NTNG1: variants seen among roughly 807,000 people sequenced by gnomAD.
NTNG1 encodes the protein netrin G1.
A neutral mutation model predicts 54.0 loss-of-function variants in NTNG1; 16 were observed. The ratio of observed to expected loss-of-function variants is 0.30; its 90% CI spans 0.20 to 0.45. The LOEUF (loss-of-function observed/expected upper bound fraction) is 0.45. NTNG1 is among the 20% of genes least tolerant of loss of function. The probability of loss-of-function intolerance (pLI) is 1.00; values close to 1 mark genes in which losing one functional copy is unlikely to be tolerated. For synonymous variants in NTNG1, 255 were observed against 263.1 expected, an observed-to-expected ratio of 0.97 and a Z score of 0.30; for missense variants, 530 against 678.7, an observed-to-expected ratio of 0.78 and a Z score of 2.43.
At chr1:107,457,317 AAG>A (rs1233006052) in intron 7 of NTNG1, among the ~76,000 whole-genome samples, 1 of 152,254 alleles carries the variant, frequency 6.6e-6, no homozygotes, top group African/African-American at 2.4e-5. Context: ...TTCAGCTTAA[AAG>A]AGCAGTACAT....
intron 2 of NTNG1, among the ~76,000 whole-genome samples, chr1:107,312,996 A>T (rs1667116215): frequency 6.6e-6 from 1 of 152,148 alleles, no homozygotes; most frequent in South Asian, 2.1e-4. Flanking sequence ...CATAGTTACA[A>T]TTTGACAGTC....
chr1:107,280,100 G>C (rs1001953408), intron 2 of NTNG1, among the ~76,000 whole-genome samples: 1 of 141,292 alleles, frequency 7.1e-6, no homozygotes, highest in African/African-American at 2.6e-5. Context: ...TCATTTTTTT[G>C]GATTTAACTT....
At chr1:107,452,058 C>A (rs755201605) in intron 7 of NTNG1, among the ~76,000 whole-genome samples, 1 of 152,148 alleles carries the variant, frequency 6.6e-6, no homozygotes, top group African/African-American at 2.4e-5. Flanking sequence ...CTTCTCTGAC[C>A]TAAGATTTCA....
chr1:107,205,618 C>T (rs1557807975), intron 2 of NTNG1, among the ~76,000 whole-genome samples: 1 of 151,630 alleles, frequency 6.6e-6, no homozygotes, highest in African/African-American at 2.4e-5. Flanking sequence ...ATAAAGCAGA[C>T]TTTTTTTTTA....
rs1678671865 is a variant in NTNG1, at chr1:107,480,926, C to A, written c.*86C>A. ...ATTTGCTACTAACATAGGAAACACA[C>A]ACATACAGACACCCCCACTCAGACA... On this transcript the variant is annotated 3_prime_UTR_variant, in exon 8 of 8. Coordinates refer to ENST00000370068, the MANE Select transcript of NTNG1 (RefSeq NM_001113226.3). 1 of 941,810 alleles carries A rather than the reference C, an allele frequency of 1.1e-6. No individual in the cohort carries two copies. The highest frequency in any genetic ancestry group is 1.6e-6 in the Non-Finnish European group (1 of 616,466). The allele number at this position is 941,810 out of a possible 1,614,324, so 58.3% of individuals were successfully genotyped here. A position where few individuals can be genotyped will look rare whatever the true frequency, so the allele number is the denominator to read the frequency against.
chr1:107,451,322 A>G (rs935636265), intron 7 of NTNG1, among the ~76,000 whole-genome samples: 11 of 152,068 alleles, frequency 7.2e-5, no homozygotes, highest in Non-Finnish European at 1.6e-4. Context: ...CAATTTCACC[A>G]CATGTCACAC....
intron 2 of NTNG1, among the ~76,000 whole-genome samples, chr1:107,289,955 T>C (rs1665473947): frequency 6.6e-6 from 1 of 152,230 alleles, no homozygotes; most frequent in Non-Finnish European, 1.5e-5. Flanking sequence ...AGAACAATTA[T>C]ATTTTCAAAT....
chr1:107,292,438 C>T (rs1387376969), intron 2 of NTNG1, among the ~76,000 whole-genome samples: 2 of 152,124 alleles, frequency 1.3e-5, no homozygotes, highest in African/African-American at 4.8e-5. Flanking sequence ...ATCCCACACA[C>T]CAGCAGTGTC....
intron 7 of NTNG1, among the ~76,000 whole-genome samples, chr1:107,464,228 C>T (rs1329576370): frequency 6.6e-6 from 1 of 152,178 alleles, no homozygotes; most frequent in African/African-American, 2.4e-5. Flanking sequence ...TAAAGCCAGG[C>T]CAGCCATAGC....
chr1:107,145,649 A>G (rs1393977950), intron 1 of NTNG1, among the ~76,000 whole-genome samples: 1 of 152,052 alleles, frequency 6.6e-6, no homozygotes, highest in Non-Finnish European at 1.5e-5. Flanking sequence ...ATATGTCTGT[A>G]ATGTAATGGA....
intron 7 of NTNG1, among the ~76,000 whole-genome samples, chr1:107,478,656 A>T (rs2101611607): frequency 6.6e-6 from 1 of 152,358 alleles, no homozygotes; most frequent in Admixed American, 6.5e-5. Flanking sequence ...TGCCCAAATG[A>T]AAGGAAATAT....
chr1:107,324,674 G>A lies in NTNG1; in HGVS notation c.639G>A (p.Gly213=), dbSNP rs1667845584. The change falls in exon 3 of 8, where the codon GGG becomes GGA. Residue 213 remains glycine (G), a synonymous_variant. Transcript: ENST00000370068. ...TTTGCACAGAAGAGTACTCAACAGG[G>A]TATACAACAAATAGCAAAATAATCC... ...EIICTEEYST[G]YTTNSKIIHF... The A allele has an allele frequency of 6.2e-6, 10 of 1,613,488 alleles. No homozygotes were observed. Among genetic ancestry groups the A allele is most frequent in the Admixed American group, 1.7e-5 (1 of 59,868 alleles).
rs543552392 is a variant in NTNG1, at chr1:107,432,477, C to T, written c.1255+1560C>T. 1.3e-3 allele frequency among the ~76,000 whole-genome samples: 199 copies of T among 152,290 alleles called. 1 individual carries two copies. The highest frequency in any genetic ancestry group is 4.5e-3 in the African/African-American group (187 of 41,560). ...TTATGGTATGTGTTTTGGATGACAGCAGCAATTCCACTCTGAGTTTATGAA... is the reference window on the plus strand; with the variant it reads ...TTATGGTATGTGTTTTGGATGACAGTAGCAATTCCACTCTGAGTTTATGAA... On this transcript the variant is annotated intron_variant, in intron 6 of 7. Transcript: ENST00000370068.
chr1:107,188,061 A>ATT (rs11373664), intron 2 of NTNG1, among the ~76,000 whole-genome samples: 1,792 of 151,302 alleles, frequency 0.012, 17 homozygotes, highest in Middle Eastern at 0.041. Context: ...TGGCATAGGC[A>ATT]TTTTTTTTTG....
intron 2 of NTNG1, among the ~76,000 whole-genome samples, chr1:107,215,870 G>C (rs1340371865): frequency 2.5e-4 from 38 of 151,764 alleles, no homozygotes; most frequent in Admixed American, 2.5e-3. Context: ...CCTTGGTTAA[G>C]TATATTCCTA....
intron 1 of NTNG1, among the ~76,000 whole-genome samples, chr1:107,144,224 G>A (rs1017017614): frequency 3.3e-5 from 5 of 151,942 alleles, no homozygotes; most frequent in African/African-American, 1.2e-4. Flanking sequence ...TTATAATTTT[G>A]TATATCTTTA....
At chr1:107,285,373 CT>C (rs1292117629) in intron 2 of NTNG1, among the ~76,000 whole-genome samples, 3 of 152,008 alleles carry the variant, frequency 2.0e-5, no homozygotes, top group Non-Finnish European at 4.4e-5. Context: ...CCTAATGTAC[CT>C]TTTTATAAAA....
chr1:107,354,245 C>A (rs1224589984), intron 3 of NTNG1, among the ~76,000 whole-genome samples: 3 of 151,804 alleles, frequency 2.0e-5, no homozygotes, highest in African/African-American at 7.3e-5. Context: ...CTGAAGCGGG[C>A]AGATCATGAG....
intron 7 of NTNG1, among the ~76,000 whole-genome samples, chr1:107,469,687 C>T (rs1677857048): frequency 6.6e-6 from 1 of 152,056 alleles, no homozygotes. Flanking sequence ...CTCCTGAGCT[C>T]AAGTGACCCT....
Sources: gnomAD v4.1 joint callset for allele counts (sites outside exome capture counted in the v4.1 genomes callset) on GRCh38, gnomAD v4.1.1 for gene constraint, MANE v1.5 for transcripts, NCBI Gene and HGNC (gene_info 2026-07-23, HGNC 2026-07-21) for gene names.